FXR1: variants seen among roughly 807,000 people sequenced by gnomAD.
FXR1 encodes the protein FMR1 autosomal homolog 1.
Under a neutral mutation model 84.0 loss-of-function variants are expected in FXR1, and 15 were observed. The ratio of observed to expected loss-of-function variants is 0.18; its 90% CI spans 0.12 to 0.27. The LOEUF is 0.27. FXR1 is among the 10% of genes least tolerant of loss of function. The probability of loss-of-function intolerance (pLI) is 1.00; values close to 1 mark genes in which losing one functional copy is unlikely to be tolerated. For missense variants in FXR1, 480 were observed against 774.4 expected, an observed-to-expected ratio of 0.62 and a Z score of 4.51; for synonymous variants, 245 against 250.7, an observed-to-expected ratio of 0.98 and a Z score of 0.21.
chr3:180,923,036 C>T (rs1437315710), intron 1 of FXR1, among the ~76,000 whole-genome samples: 3 of 152,108 alleles, frequency 2.0e-5, no homozygotes, highest in Non-Finnish European at 4.4e-5. Flanking sequence ...ACAGTCTGTG[C>T]CCAGATTATA....
At chr3:180,957,766 A>AAT in intron 9 of FXR1, 53 bp from the exon 10 acceptor site, 1 of 794,826 alleles carries the variant, frequency 1.3e-6, no homozygotes, top group Non-Finnish European at 2.1e-6. Context: ...ACACTGAAAG[A>AAT]ATAGCAGAAT....
intron 9 of FXR1, among the ~76,000 whole-genome samples, chr3:180,954,463 T>G (rs1722538729): frequency 6.6e-6 from 1 of 152,220 alleles, no homozygotes; most frequent in Non-Finnish European, 1.5e-5. Flanking sequence ...CATTTGAAGC[T>G]ATGGTTAAAT....
At chr3:180,915,457 C>T in intron 1 of FXR1, 2 of 1,330,276 alleles carry the variant, frequency 1.5e-6, no homozygotes, top group South Asian at 1.3e-5. Context: ...AGTCCGGCTT[C>T]CATTTAGCGT....
intron 6 of FXR1, 49 bp downstream of exon 6, chr3:180,948,863 G>C: frequency 1.2e-6 from 1 of 830,342 alleles, no homozygotes; most frequent in Non-Finnish European, 2.1e-6. Context: ...ATATTGCACA[G>C]ATTTTATAAT....
chr3:180,963,066 G>C lies in FXR1; in HGVS notation c.1174G>C (p.Gly392Arg). ...SYSGRGRGRRGPNYTSGYGTN... is the reference protein window; with the variant it reads ...SYSGRGRGRRRPNYTSGYGTN... ...TAGCGGAAGAGGCAGAGGTCGTCGG[G>C]GACCTAATTACACCTCCGGTTATGG... Residue 392 changes from glycine (G) to arginine (R), a missense_variant, in exon 13 of 17, where the codon GGA becomes CGA. Coordinates refer to ENST00000357559, the MANE Select transcript of FXR1 (RefSeq NM_005087.4). 6.3e-7 allele frequency: 1 copy of C among 1,586,526 alleles called. No homozygotes were observed. The highest frequency in any genetic ancestry group is 2.2e-5 in the East Asian group (1 of 44,654).
intron 9 of FXR1, among the ~76,000 whole-genome samples, chr3:180,955,742 G>A (rs1279855485): frequency 1.3e-5 from 2 of 152,176 alleles, no homozygotes; most frequent in Non-Finnish European, 2.9e-5. Flanking sequence ...ATAAAAGATA[G>A]CCTTGGTCTT....
At chr3:180,970,915 G>C (rs953818650) in intron 15 of FXR1, among the ~76,000 whole-genome samples, 2 of 152,130 alleles carry the variant, frequency 1.3e-5, no homozygotes, top group Non-Finnish European at 2.9e-5. Flanking sequence ...AATGCTGAAA[G>C]CTACAAAAAT....
chr3:180,917,170 C>G (rs934542010), intron 1 of FXR1, among the ~76,000 whole-genome samples: 5 of 152,128 alleles, frequency 3.3e-5, no homozygotes, highest in Non-Finnish European at 7.4e-5. Context: ...CTGCTTCCAC[C>G]GTGTAACTGT....
rs780026805 is a variant in FXR1 at position 180,976,117 on chromosome 3, G to A, written c.1696-5G>A. The A allele has an allele frequency of 6.3e-7, 1 of 1,595,734 alleles. No homozygotes were observed. The highest frequency in any genetic ancestry group is 8.5e-7 in the Non-Finnish European group (1 of 1,173,302). On this transcript the variant is annotated splice_polypyrimidine_tract_variant and splice_region_variant and intron_variant, in intron 16 of 16. Coordinates refer to ENST00000357559, the MANE Select transcript of FXR1 (RefSeq NM_005087.4). ...GAAGTTGAAAAAGTTGTCTCCCTTT[G>A]GCAGGCAAAAGATGTGATTGAAGAG...
Position 180,979,726 on chromosome 3 carries a change from T to A in FXR1, c.*3434T>A, listed in dbSNP as rs771861083. 33 of 152,164 alleles carry A rather than the reference T, an allele frequency of 2.2e-4. No homozygotes were observed. The highest frequency in any genetic ancestry group is 1.4e-3 in the Admixed American group (22 of 15,254). 9.4% of individuals were successfully genotyped at this position (152,164 alleles called of 1,614,324 possible). On this transcript the variant is annotated 3_prime_UTR_variant, in exon 17 of 17. Transcript: ENST00000357559. ...GTTAGCAAGTGGTGTTAAAACTGAT[T>A]TAAGTCCATTACACTGAACAGTAGG...
At chr3:180,961,388 C>A in intron 10 of FXR1, 80 bp from the exon 11 acceptor site, 1 of 479,106 alleles carries the variant, frequency 2.1e-6, no homozygotes, top group Non-Finnish European at 3.9e-6. Context: ...TGTGTGCCTG[C>A]CTGTCAGTTT....
Position 180,963,101 on chromosome 3 carries a change from A to G in FXR1, c.1198+11A>G. ...ACACCTCCGGTTATGGTAAAAAAAA[A>G]TTTTTTTTTTTTTTTTTTGGTAATA... is the stretch of plus-strand genomic sequence containing the variant. On this transcript the variant is annotated intron_variant, in intron 13 of 16. Coordinates refer to ENST00000357559, the MANE Select transcript of FXR1 (RefSeq NM_005087.4). 1 of 867,120 alleles carries G rather than the reference A, an allele frequency of 1.2e-6. No homozygotes were observed. The highest frequency in any genetic ancestry group is 1.6e-5 in the South Asian group (1 of 63,826). The allele number at this position is 867,120 out of a possible 1,614,324, so 53.7% of individuals were successfully genotyped here. A position where few individuals can be genotyped will look rare whatever the true frequency, so the allele number is the denominator to read the frequency against.
At chr3:180,943,773 G>A (rs1721389647) in intron 3 of FXR1, among the ~76,000 whole-genome samples, 1 of 152,144 alleles carries the variant, frequency 6.6e-6, no homozygotes, top group African/African-American at 2.4e-5. Flanking sequence ...TTATGCTTTG[G>A]TGAAAATAGA....
intron 3 of FXR1, among the ~76,000 whole-genome samples, chr3:180,943,851 CAA>C (rs1355926745): frequency 3.9e-5 from 6 of 152,152 alleles, no homozygotes; most frequent in East Asian, 1.9e-4. Context: ...CCCACATTAA[CAA>C]GAGATATTCG....
chr3:180,948,448 T>A lies in FXR1; in HGVS notation c.372T>A (p.Asn124Lys). ...PVNQNKTVKK[N>K]TFFKCTVDVP... ...ATCAAAATAAAACTGTCAAAAAAAA[T>A]ACCTTCTTTAAATGCACAGTGGATG... Residue 124 changes from asparagine to lysine, a missense_variant, in exon 5 of 17, where the codon AAT becomes AAA. Transcript: ENST00000357559. 6.2e-7 allele frequency: 1 copy of A among 1,608,220 alleles called. No homozygotes were observed. The highest frequency in any genetic ancestry group is 8.5e-7 in the Non-Finnish European group (1 of 1,174,656).
In FXR1 at chr3:180,951,496, T is replaced by C. The variant is rs768870495; in HGVS notation, c.801+28T>C. ...AAGTTCTCTTTCTCCTGCCTTGGCCTTTAGTGTATTAACCATCTATTGTTT... is the reference window on the plus strand; with the variant it reads ...AAGTTCTCTTTCTCCTGCCTTGGCCCTTAGTGTATTAACCATCTATTGTTT... On this transcript the variant is annotated intron_variant, in intron 8 of 16. Transcript: ENST00000357559. 2.0e-6 allele frequency: 3 copies of C among 1,491,742 alleles called. No homozygotes were observed. The East Asian group carries it at 6.8e-5, about 34-fold the overall frequency. 92.4% of individuals were successfully genotyped at this position (1,491,742 alleles called of 1,614,324 possible). A position where few individuals can be genotyped will look rare whatever the true frequency, so the allele number is the denominator to read the frequency against.
intron 1 of FXR1, among the ~76,000 whole-genome samples, chr3:180,931,542 A>G (rs1446751565): frequency 6.6e-6 from 1 of 152,020 alleles, no homozygotes; most frequent in East Asian, 1.9e-4. Context: ...TTCAAGAGAA[A>G]GATATCCTGG....
chr3:180,953,775 T>C lies in FXR1; in HGVS notation c.815T>C (p.Val272Ala). 2.5e-6 allele frequency: 4 copies of C among 1,573,382 alleles called. No homozygotes were observed. The highest frequency in any genetic ancestry group is 3.5e-6 in the Non-Finnish European group (4 of 1,143,720). ...CCTCATCTACAGAGTGCTGATGCTG[T>C]AAAAAAGGCTAGAGGTTTCTTGGAA... ...FRIYGESADA[V>A]KKARGFLEFV... Residue 272 changes from valine to alanine, a missense_variant, in exon 9 of 17, where the codon GTA (valine) becomes GCA (alanine). Val to Ala is a moderately conservative substitution (Grantham distance 64). This residue lies in a region of FXR1 where 136 missense variants were observed against 315.4 expected (regional missense o/e 0.43). Transcript: ENST00000357559.
At chr3:180,957,688 A>C (rs1304316717) in intron 9 of FXR1, 131 bp from the exon 10 acceptor site, 3 of 550,126 alleles carry the variant, frequency 5.5e-6, no homozygotes, top group Non-Finnish European at 9.8e-6. Flanking sequence ...GAGTTAATTG[A>C]TAGTAAAAAG....
Sources: gnomAD v4.1 joint callset for allele counts (sites outside exome capture counted in the v4.1 genomes callset) on GRCh38, gnomAD v4.1.1 for gene constraint, gnomAD v4.1.1 regional missense constraint, MANE v1.5 for transcripts, NCBI Gene and HGNC (gene_info 2026-07-23, HGNC 2026-07-21) for gene names.